The following ABCA3 variants were observed in gnomAD, a reference collection of about 807,000 sequenced individuals.
ABCA3 encodes the protein ATP binding cassette subfamily A member 3.
A neutral mutation model predicts 172.8 loss-of-function variants in ABCA3; 88 were observed. That is an observed-to-expected ratio of 0.51 (90% CI 0.43 to 0.61). ABCA3 has a LOEUF of 0.61. Ranked by LOEUF, ABCA3 falls within the 20% of genes least tolerant of loss-of-function variation. The pLI, the probability that ABCA3 is intolerant of heterozygous loss-of-function variation, is 0.00. For missense variants in ABCA3, 2,164 were observed against 2,301.0 expected, an observed-to-expected ratio of 0.94 and a Z score of 1.22; for synonymous variants, 1,066 against 983.8, an observed-to-expected ratio of 1.08 and a Z score of -1.56.
chr16:2,296,847 T>C (rs1041498178), intron 17 of ABCA3, among the ~76,000 whole-genome samples: 7 of 152,122 alleles, frequency 4.6e-5, no homozygotes, highest in African/African-American at 1.7e-4. Flanking sequence ...TCCTATGTCT[T>C]TGCTCCACCC....
At position 2,284,872 on chromosome 16, in the gene ABCA3, A is replaced by G; in HGVS notation, c.3610T>C (p.Leu1204=). The change falls in exon 24 of 33, where the codon TTG becomes CTG. Residue 1204 remains leucine (L), a synonymous_variant. Transcript: ENST00000301732. This position sits in a 1 kb window ranked among gnomAD's most constrained non-coding sequence, Gnocchi z 5.9. ...CTCGTGTAGGCAGTGGCCGCCCCCA[A>G]GAAGAAGAAGTTCATCAGGTACATG... ...PLMYLMNFFF[L]GAATAYTRLT... 1.2e-6 allele frequency: 2 copies of G among 1,613,694 alleles called. No homozygotes were observed. The highest frequency in any genetic ancestry group is 1.7e-6 in the Non-Finnish European group (2 of 1,179,788).
At chr16:2,320,180 C>G (rs752713932) in intron 7 of ABCA3, among the ~76,000 whole-genome samples, 17 of 151,796 alleles carry the variant, frequency 1.1e-4, no homozygotes, top group Non-Finnish European at 2.1e-4. Context: ...CTCACTGCAA[C>G]CTCCACCTCC....
chr16:2,281,176 G>A lies in ABCA3; in HGVS notation c.4210C>T (p.Leu1404Phe). Residue 1404 changes from leucine to phenylalanine, a missense_variant, in exon 28 of 33, where the codon CTC (leucine) becomes TTC (phenylalanine). Leu to Phe is a conservative substitution (Grantham distance 22). This residue lies in a region of ABCA3 where 795 missense variants were observed against 881.9 expected (regional missense o/e 0.90). Transcript: ENST00000301732. The surrounding 1 kb of genome is among the most constrained non-coding windows in gnomAD (Gnocchi z 4.7). ...AAGCACTCCCCTTTCTGCACCGCGA[G>A]GGAGAGCCTGTCCACGGCCAGGAGG... ...VPLLAVDRLSLAVQKGECFGL... is the reference protein window; with the variant it reads ...VPLLAVDRLSFAVQKGECFGL... 6.2e-7 allele frequency: 1 copy of A among 1,613,716 alleles called. No individual in the cohort carries two copies. The highest frequency in any genetic ancestry group is 1.3e-5 in the African/African-American group (1 of 75,058).
Position 2,277,953 on chromosome 16 carries a change from C to A in ABCA3, c.4835G>T (p.Arg1612Leu). Residue 1612 changes from arginine (R) to leucine (L), a missense_variant, in exon 31 of 33, where the codon CGG (arginine) becomes CTG (leucine). Arg to Leu is a moderately radical substitution (Grantham distance 102). Around this residue, in one of 3 missense-constraint regions of ABCA3, gnomAD observed 795 missense variants for 881.9 expected, o/e 0.90. Transcript: ENST00000301732. This position sits in a 1 kb window ranked among gnomAD's most constrained non-coding sequence, Gnocchi z 5.3. ...KSKFGSGYSL[R>L]AKVQSEGQQE... is the part of the protein sequence containing the mutation. The stretch of plus-strand genomic sequence containing the variant: ...TTGCCCTTCACTCTGCACCTTGGCC[C>A]GCAGGGAGTAGCCGCTGCCGAACTT... 2 of 1,612,362 alleles carry A rather than the reference C, an allele frequency of 1.2e-6. No homozygotes were observed. Among genetic ancestry groups the A allele is most frequent in the Non-Finnish European group, 1.7e-6 (2 of 1,179,984 alleles).
chr16:2,321,417 T>A (rs192173484), intron 7 of ABCA3, among the ~76,000 whole-genome samples: 1 of 152,284 alleles, frequency 6.6e-6, no homozygotes, highest in African/African-American at 2.4e-5. Flanking sequence ...ATGCATGCTG[T>A]CTCCTGCCTG....
chr16:2,313,228 TG>T (rs1187201614), intron 10 of ABCA3, among the ~76,000 whole-genome samples: 2 of 151,820 alleles, frequency 1.3e-5, no homozygotes, highest in African/African-American at 4.8e-5. Flanking sequence ...GTCAGCATGG[TG>T]GAAAAGGCAA....
At chr16:2,323,472 C>G (rs780999639) in intron 7 of ABCA3, 51 bp downstream of exon 7, 3 of 1,610,380 alleles carry the variant, frequency 1.9e-6, no homozygotes, top group Non-Finnish European at 2.5e-6. Context: ...ATATGACTGT[C>G]ACTAGTCAAC....
chr16:2,289,709 G>C (rs1449359956), intron 19 of ABCA3, 89 bp from the exon 20 acceptor site: 1 of 1,413,798 alleles, frequency 7.1e-7, no homozygotes, highest in African/African-American at 1.4e-5. Context: ...GAGGGGAGCA[G>C]TGTTGCCGCA....
chr16:2,310,291 G>A (rs8055569), intron 10 of ABCA3, among the ~76,000 whole-genome samples: 1 of 151,740 alleles, frequency 6.6e-6, no homozygotes, highest in African/African-American at 2.4e-5. Flanking sequence ...GCCTGTAGTC[G>A]CAGCTACTCA....
In ABCA3 at chr16:2,277,666, G is replaced by A. The variant is rs372050103; in HGVS notation, c.4914C>T (p.Ser1638=). The A allele has an allele frequency of 6.2e-6, 10 of 1,613,044 alleles. No homozygotes were observed. The highest frequency in any genetic ancestry group is 3.3e-5 in the Admixed American group (2 of 60,000). Residue 1638 remains serine (S), a synonymous_variant, in exon 32 of 33, where the codon AGC becomes AGT. Transcript: ENST00000301732. The surrounding 1 kb of genome is among the most constrained non-coding windows in gnomAD (Gnocchi z 5.3). ...TGCCTTGGTGCTCATCTTCCAGGAC[G>A]CTGCCTGCACAAAGGAGAGACGGTG... ...KAFVDLTFPG[S]VLEDEHQGMV... is the part of the protein sequence containing the mutation.
In ABCA3 at chr16:2,308,307, G is replaced by A. The variant is rs992444219; in HGVS notation, c.1285+143C>T. 4 of 1,002,126 alleles carry A rather than the reference G, an allele frequency of 4.0e-6. No homozygotes were observed. The African/African-American group carries it at 6.4e-5, about 16-fold the overall frequency. 62.1% of individuals were successfully genotyped at this position (1,002,126 alleles called of 1,614,324 possible). On this transcript the variant is annotated intron_variant, in intron 11 of 32. Transcript: ENST00000301732. ...AGCTATCCAGCCCACACTCAGCGCT[G>A]TATGCGGATGCTGCTGCCTTCAGTG...
rs760872079 is a variant in ABCA3 at position 2,278,445 on chromosome 16, G to A, written c.4561C>T (p.Arg1521Trp). 2 of 1,612,088 alleles carry A rather than the reference G, an allele frequency of 1.2e-6. No individual in the cohort carries two copies. Among genetic ancestry groups the A allele is most frequent in the Non-Finnish European group, 8.5e-7 (1 of 1,180,024 alleles). Residue 1521 changes from arginine (R) to tryptophan (W), a missense_variant, in exon 30 of 33, where the codon CGG becomes TGG. Physicochemically the swap from Arg to Trp is moderately radical, Grantham distance 101. This residue lies in a region of ABCA3 where 795 missense variants were observed against 881.9 expected (regional missense o/e 0.90). Transcript: ENST00000301732. The surrounding 1 kb of genome is among the most constrained non-coding windows in gnomAD (Gnocchi z 4.4). ...LVRTYSGGNKRKLSTGIALIG... is the reference protein window; with the variant it reads ...LVRTYSGGNKWKLSTGIALIG... ...AGGGCGATGCCGGTGCTCAGCTTCC[G>A]CTTGTTACCACCACTAGAGGCAGGA...
intron 1 of ABCA3, among the ~76,000 whole-genome samples, chr16:2,335,153 A>G (rs2093749812): frequency 6.6e-6 from 1 of 152,070 alleles, no homozygotes; most frequent in Non-Finnish European, 1.5e-5. Flanking sequence ...TATATAAAAA[A>G]AGCAGGCACA....
In ABCA3 at chr16:2,288,097, A is replaced by G. The variant is rs2093665902; in HGVS notation, c.2933T>C (p.Leu978Pro). 1 of 1,613,656 alleles carries G rather than the reference A, an allele frequency of 6.2e-7. No homozygotes were observed. Among genetic ancestry groups the G allele is most frequent in the Admixed American group, 1.7e-5 (1 of 60,004 alleles). ...VPFSVPGTSQ[L>P]GQQLSEHLKD... The stretch of plus-strand genomic sequence containing the variant: ...CAGATGCTCTGACAGCTGCTGACCC[A>G]GCTGGGAGGTCCCGGGAACTGAGAA... The change falls in exon 21 of 33, where the codon CTG (leucine) becomes CCG (proline). Residue 978 changes from leucine (L) to proline (P), a missense_variant. Coordinates refer to ENST00000301732, the MANE Select transcript of ABCA3 (RefSeq NM_001089.3).
In ABCA3 at chr16:2,278,836, CA is replaced by C. The variant is rs1371464109; in HGVS notation, c.4547+106del. 20 of 1,517,142 alleles carry C rather than the reference CA, an allele frequency of 1.3e-5. No individual in the cohort carries two copies. In the East Asian group the frequency reaches 2.0e-4, roughly 15 times the overall value. 94.0% of individuals were successfully genotyped at this position (1,517,142 alleles called of 1,614,324 possible). A position where few individuals can be genotyped will look rare whatever the true frequency, so the allele number is the denominator to read the frequency against. Reference sequence around the variant, plus strand: ...ACATCCCAGCTCCATCCTGGAGCCACAAGCAGGAGCTCTGGCTGCTGACCTG... The same window carrying C: ...ACATCCCAGCTCCATCCTGGAGCCACAGCAGGAGCTCTGGCTGCTGACCTG... On this transcript the variant is annotated intron_variant, in intron 29 of 32. Coordinates refer to ENST00000301732, the MANE Select transcript of ABCA3 (RefSeq NM_001089.3). This position sits in a 1 kb window ranked among gnomAD's most constrained non-coding sequence, Gnocchi z 4.4.
intron 20 of ABCA3, 123 bp downstream of exon 20, chr16:2,289,311 G>T: frequency 8.2e-7 from 1 of 1,226,432 alleles, no homozygotes; most frequent in African/African-American, 1.5e-5. Context: ...CCTCTGCCCG[G>T]TGTGCTGACT....
rs771287260 is a variant in ABCA3, at chr16:2,298,454, G to A, written c.1828C>T (p.Leu610=). ...AACAGGATGTCGTGCTGCGGGCACA[G>A]GCCCAGGCTCTTCCGGATCTGAACC... ...DMVQIRKSLG[L]CPQHDILFDN... is the part of the protein sequence containing the mutation. Residue 610 remains leucine, a synonymous_variant, in exon 15 of 33, where the codon CTG becomes TTG. Coordinates refer to ENST00000301732, the MANE Select transcript of ABCA3 (RefSeq NM_001089.3). 1 of 1,614,158 alleles carries A rather than the reference G, an allele frequency of 6.2e-7. No homozygotes were observed. Among genetic ancestry groups the A allele is most frequent in the Non-Finnish European group, 8.5e-7 (1 of 1,180,042 alleles).
chr16:2,299,900 C>A, intron 13 of ABCA3, 105 bp downstream of exon 13: 1 of 1,539,434 alleles, frequency 6.5e-7, no homozygotes, highest in Middle Eastern at 2.3e-4. Flanking sequence ...GGGAGCAAGG[C>A]TCAGAGGGAG....
At chr16:2,295,835 G>A in intron 17 of ABCA3, 95 bp from the exon 18 acceptor site, 2 of 1,556,298 alleles carry the variant, frequency 1.3e-6, no homozygotes, top group South Asian at 2.2e-5. Context: ...AGGCAAGCTG[G>A]TGGGAAGGAG....
Sources: allele counts gnomAD v4.1 joint callset (sites outside exome capture counted in the v4.1 genomes callset), GRCh38; gene constraint gnomAD v4.1.1; regional missense constraint gnomAD v4.1.1; non-coding constraint Gnocchi (gnomAD v3.1); transcripts MANE v1.5; gene names NCBI Gene and HGNC (gene_info 2026-07-23, HGNC 2026-07-21).